ZNF324: variants seen among roughly 807,000 people sequenced by gnomAD.
ZNF324 encodes zinc finger protein 324, also known as zinc finger protein 324A.
ZNF324 carries 3 observed loss-of-function variants against 10.3 expected under a neutral mutation model. The ratio of observed to expected loss-of-function variants is 0.29; its 90% CI spans 0.13 to 0.75. ZNF324 has a LOEUF of 0.75. Among genes scored for constraint, ZNF324 ranks in the 30% least tolerant of loss-of-function variants. The probability of loss-of-function intolerance (pLI) is 0.69; values close to 1 mark genes in which losing one functional copy is unlikely to be tolerated. For synonymous variants in ZNF324, 430 were observed against 339.5 expected (o/e 1.27, Z -2.93); for missense variants, 763 against 784.4 (o/e 0.97, Z 0.33).
chr19:58,469,168 CT>C lies in ZNF324; in HGVS notation c.-6-11del. ...TTAGACCATGGCTGTCTCTTCCTCC[CT>C]GCTCTTTTAGGACCAGATGGCCTTT... On this transcript the variant is annotated splice_polypyrimidine_tract_variant and intron_variant, in intron 1 of 3. Coordinates refer to ENST00000196482, the MANE Select transcript of ZNF324 (RefSeq NM_014347.3). 1 of 1,614,172 alleles carries C rather than the reference CT, an allele frequency of 6.2e-7. No homozygotes were observed. The highest frequency in any genetic ancestry group is 8.5e-7 in the Non-Finnish European group (1 of 1,180,022).
At chr19:58,467,371 G>C (rs1458249114) in intron 1 of ZNF324, 188 bp downstream of exon 1, 1 of 152,270 alleles carries the variant, frequency 6.6e-6, no homozygotes, top group African/African-American at 2.4e-5. Context: ...CGCGCTGGGC[G>C]TTCCACGTCC....
rs886204171 is a variant in ZNF324, at chr19:58,472,143, G to A, written c.1651G>A (p.Ala551Thr). 1.3e-6 allele frequency: 2 copies of A among 1,579,584 alleles called. No homozygotes were observed. Among genetic ancestry groups the A allele is most frequent in the Admixed American group, 3.4e-5 (2 of 58,836 alleles). Residue 551 changes from alanine to threonine, a missense_variant, in exon 4 of 4, where the codon GCG (alanine) becomes ACG (threonine). This residue lies in a region of ZNF324 where 231 missense variants were observed against 196.0 expected (regional missense o/e 1.18). Transcript: ENST00000196482. Reference sequence around the variant, plus strand: ...GGGCCCAGCCGCCGTCTCGCAGCCAGCGGAGGTCTGAGGTCACAGGTTGCA... The same window carrying A: ...GGGCCCAGCCGCCGTCTCGCAGCCAACGGAGGTCTGAGGTCACAGGTTGCA... ...ASGPAAVSQP[A>T]EV
intron 1 of ZNF324, 115 bp from the exon 2 acceptor site, chr19:58,469,065 A>T: frequency 8.1e-7 from 1 of 1,230,058 alleles, no homozygotes; most frequent in Non-Finnish European, 1.2e-6. Context: ...TATTAGTGTT[A>T]ATGTATTTTA....
intron 2 of ZNF324, 109 bp downstream of exon 2, chr19:58,469,415 A>G (rs967261562): frequency 2.8e-6 from 4 of 1,445,714 alleles, no homozygotes; most frequent in Non-Finnish European, 2.8e-6. Context: ...CCTTGCAGCC[A>G]GGAGCCATGT....
chr19:58,469,461 G>A (rs1236126749), intron 2 of ZNF324, among the ~76,000 whole-genome samples, 155 bp downstream of exon 2: 1 of 152,226 alleles, frequency 6.6e-6, no homozygotes, highest in Non-Finnish European at 1.5e-5. Flanking sequence ...ATGCAGTCTG[G>A]TTGGCTCAAC....
rs1177698952 is a variant in ZNF324, at chr19:58,474,360, A to G, written c.*2206A>G. The G allele has an allele frequency of 1.3e-4, 20 of 152,144 alleles. No homozygotes were observed. The highest frequency in any genetic ancestry group is 9.8e-4 in the Admixed American group (15 of 15,280). The allele number at this position is 152,144 out of a possible 1,614,324, so 9.4% of individuals were successfully genotyped here. On this transcript the variant is annotated 3_prime_UTR_variant, in exon 4 of 4. Transcript: ENST00000196482. ...CAGAGAGTCACGTGAAATCATTTCT[A>G]TGCCTCTGACAGACGCTTCTTGAGC...
intron 1 of ZNF324, 81 bp from the exon 2 acceptor site, chr19:58,469,099 T>C (rs1286251258): frequency 6.3e-7 from 1 of 1,575,932 alleles, no homozygotes; most frequent in Non-Finnish European, 8.7e-7. Context: ...ACAATTCTTC[T>C]TCCAATGTGG....
At position 58,472,225 on chromosome 19, in the gene ZNF324, C is replaced by A. The variant is rs752833311; in HGVS notation, c.*71C>A. The A allele has an allele frequency of 9.7e-5, 138 of 1,418,322 alleles. No homozygotes were observed. The highest frequency in any genetic ancestry group is 1.3e-4 in the Non-Finnish European group (136 of 1,068,586). The allele number at this position is 1,418,322 out of a possible 1,614,324, so 87.9% of individuals were successfully genotyped here. On this transcript the variant is annotated 3_prime_UTR_variant, in exon 4 of 4. Transcript: ENST00000196482. Reference sequence around the variant, plus strand: ...TAAAGGGCATATGTCCTCTGCAGATCCACAGCAGAGAAAAAGTCCCGTGCT... The same window carrying A: ...TAAAGGGCATATGTCCTCTGCAGATACACAGCAGAGAAAAAGTCCCGTGCT...
Position 58,470,998 on chromosome 19 carries a change from C to G in ZNF324, c.506C>G (p.Pro169Arg), listed in dbSNP as rs545558366. The change falls in exon 4 of 4, where the codon CCC becomes CGC. Residue 169 changes from proline (P) to arginine (R), a missense_variant. Around this residue, in one of 3 missense-constraint regions of ZNF324, gnomAD observed 379 missense variants for 319.4 expected, o/e 1.19. Transcript: ENST00000196482. ...CGACTGACCTCCCCGCTTAGGCCTC[C>G]CGAGGGCGTCCGGCTTAGAGAAAAG... ...SLRLTSPLRP[P>R]EGVRLREKTL... The G allele has an allele frequency of 1.2e-6, 2 of 1,614,178 alleles. No individual in the cohort carries two copies. Among genetic ancestry groups the G allele is most frequent in the South Asian group, 2.2e-5 (2 of 91,086 alleles).
chr19:58,467,246 C>G lies in ZNF324; in HGVS notation c.-7+63C>G, dbSNP rs940972174. 8.1e-3 allele frequency: 1,237 copies of G among 152,142 alleles called. 6 individuals are homozygous for G. Among genetic ancestry groups the G allele is most frequent in the Non-Finnish European group, 0.013 (859 of 67,958 alleles). 9.4% of individuals were successfully genotyped at this position (152,142 alleles called of 1,614,324 possible). A position where few individuals can be genotyped will look rare whatever the true frequency, so the allele number is the denominator to read the frequency against. On this transcript the variant is annotated intron_variant, in intron 1 of 3. Coordinates refer to ENST00000196482, the MANE Select transcript of ZNF324 (RefSeq NM_014347.3). ...ACGCGTCGTGATCAAGGGCGCCGGC[C>G]GCCGGCCGCGCCCCCAAGCCTCTGT...
At position 58,470,811 on chromosome 19, in the gene ZNF324, A is replaced by G. The variant is rs770777580; in HGVS notation, c.319A>G (p.Thr107Ala). Residue 107 changes from threonine (T) to alanine (A), a missense_variant, in exon 4 of 4, where the codon ACT becomes GCT. Physicochemically the swap from Thr to Ala is moderately conservative, Grantham distance 58 (BLOSUM62 0). Around this residue, in one of 3 missense-constraint regions of ZNF324, gnomAD observed 379 missense variants for 319.4 expected, o/e 1.19. Transcript: ENST00000196482. ...CCCAGATACCCCACCTGGGATGACT[A>G]CTAGCGTCTTCCCTGTTGCCGGTGC... is the stretch of plus-strand genomic sequence containing the variant. The part of the protein sequence containing the change: ...AFPDTPPGMT[T>A]SVFPVAGACH... 3 of 1,614,066 alleles carry G rather than the reference A, an allele frequency of 1.9e-6. No homozygotes were observed. In the African/African-American group the frequency reaches 4.0e-5, roughly 22 times the overall value.
chr19:58,472,678 C>T lies in ZNF324; in HGVS notation c.*524C>T, dbSNP rs569256321. ...ACCACAAGGGACTGGGGATCAGGGT[C>T]TGGGCTCTGTCAGCCGCCACCTCTG... On this transcript the variant is annotated 3_prime_UTR_variant, in exon 4 of 4. Transcript: ENST00000196482. 1 of 154,584 alleles carries T rather than the reference C, an allele frequency of 6.5e-6. No homozygotes were observed. Among genetic ancestry groups the T allele is most frequent in the South Asian group, 2.0e-4 (1 of 4,884 alleles). 9.6% of individuals were successfully genotyped at this position (154,584 alleles called of 1,614,324 possible).
In ZNF324 at chr19:58,474,659, G is replaced by T. The variant is rs534554611; in HGVS notation, c.*2505G>T. ...CTGCTCTTAATTTTGAATAGGTAGT[G>T]ACTGTAAAAGTATCCCTGGGCTTCT... On this transcript the variant is annotated 3_prime_UTR_variant, in exon 4 of 4. Coordinates refer to ENST00000196482, the MANE Select transcript of ZNF324 (RefSeq NM_014347.3). 1 of 152,214 alleles carries T rather than the reference G, an allele frequency of 6.6e-6. No individual in the cohort carries two copies. Among genetic ancestry groups the T allele is most frequent in the South Asian group, 2.1e-4 (1 of 4,822 alleles). The allele number at this position is 152,214 out of a possible 1,614,324, so 9.4% of individuals were successfully genotyped here. A position where few individuals can be genotyped will look rare whatever the true frequency, so the allele number is the denominator to read the frequency against.
At position 58,471,610 on chromosome 19, in the gene ZNF324, A is replaced by G. The variant is rs1009424791; in HGVS notation, c.1118A>G (p.Gln373Arg). The G allele has an allele frequency of 2.5e-6, 4 of 1,606,586 alleles. No individual in the cohort carries two copies. Among genetic ancestry groups the G allele is most frequent in the African/African-American group, 1.3e-5 (1 of 74,922 alleles). ...GGTGGGCGTCCTTATGCTTGCGCAC[A>G]GTGTGGCCGCCGCTTCTGCCGCAAC... Reference protein sequence around the residue: ...HAGGRPYACAQCGRRFCRNSH... With the variant: ...HAGGRPYACARCGRRFCRNSH... Residue 373 changes from glutamine (Q) to arginine (R), a missense_variant, in exon 4 of 4, where the codon CAG becomes CGG. Coordinates refer to ENST00000196482, the MANE Select transcript of ZNF324 (RefSeq NM_014347.3).
intron 2 of ZNF324, 139 bp downstream of exon 2, chr19:58,469,445 A>G: frequency 1.6e-6 from 2 of 1,213,854 alleles, no homozygotes; most frequent in Non-Finnish European, 2.3e-6. Flanking sequence ...GTCTGGTCCT[A>G]TAGACATGCA....
At position 58,472,194 on chromosome 19, in the gene ZNF324, C is replaced by T. The variant is rs1185895427; in HGVS notation, c.*40C>T. 13 of 1,521,934 alleles carry T rather than the reference C, an allele frequency of 8.5e-6. No homozygotes were observed. The highest frequency in any genetic ancestry group is 8.2e-5 in the African/African-American group (6 of 72,982). The allele number at this position is 1,521,934 out of a possible 1,614,324, so 94.3% of individuals were successfully genotyped here. On this transcript the variant is annotated 3_prime_UTR_variant, in exon 4 of 4. Transcript: ENST00000196482. ...GCCCTGGCCTTCTGTGAATCCCTTCCACAGCTAAAGGGCATATGTCCTCTG... is the reference window on the plus strand; with the variant it reads ...GCCCTGGCCTTCTGTGAATCCCTTCTACAGCTAAAGGGCATATGTCCTCTG...
At position 58,471,290 on chromosome 19, in the gene ZNF324, C is replaced by T. The variant is rs759976198; in HGVS notation, c.798C>T (p.Phe266=). ...SFECRACSKV[F]VKSSDLLKHL... ...AATGCAGGGCGTGCAGCAAAGTGTT[C>T]GTGAAGAGCTCCGACCTCCTCAAGC... The change falls in exon 4 of 4, where the codon TTC becomes TTT. Residue 266 remains phenylalanine, a synonymous_variant. Transcript: ENST00000196482. 1.9e-6 allele frequency: 3 copies of T among 1,613,762 alleles called. No homozygotes were observed. The highest frequency in any genetic ancestry group is 2.5e-6 in the Non-Finnish European group (3 of 1,179,982).
chr19:58,471,072 C>G lies in ZNF324; in HGVS notation c.580C>G (p.Arg194Gly), dbSNP rs566407024. ...GGGGAGGCAGCCCAGGACGCCTGAG[C>G]GGCAGAAACCATGTGCACAGGAGGT... ...LLGRQPRTPE[R>G]QKPCAQEVPG... The change falls in exon 4 of 4, where the codon CGG becomes GGG. Residue 194 changes from arginine to glycine, a missense_variant. By Grantham distance (125) the Arg-to-Gly change is moderately radical. Coordinates refer to ENST00000196482, the MANE Select transcript of ZNF324 (RefSeq NM_014347.3). The G allele has an allele frequency of 6.2e-7, 1 of 1,613,848 alleles. No homozygotes were observed. Among genetic ancestry groups the G allele is most frequent in the Non-Finnish European group, 8.5e-7 (1 of 1,180,022 alleles).
rs779763030 is a variant in ZNF324, at chr19:58,472,072, C to T, written c.1580C>T (p.Ser527Leu). Residue 527 changes from serine to leucine, a missense_variant, in exon 4 of 4, where the codon TCA becomes TTA. Around this residue, in one of 3 missense-constraint regions of ZNF324, gnomAD observed 231 missense variants for 196.0 expected, o/e 1.18. Coordinates refer to ENST00000196482, the MANE Select transcript of ZNF324 (RefSeq NM_014347.3). ...HPQARSVAGA[S>L]SEGAPAKETE... ...CAGGCCAGGTCTGTTGCCGGGGCAT[C>T]ATCAGAAGGTGCGCCAGCGAAGGAA... 6.2e-7 allele frequency: 1 copy of T among 1,603,290 alleles called. No individual in the cohort carries two copies. Among genetic ancestry groups the T allele is most frequent in the Non-Finnish European group, 8.5e-7 (1 of 1,177,188 alleles).
Sources: allele counts gnomAD v4.1 joint callset (sites outside exome capture counted in the v4.1 genomes callset), GRCh38; gene constraint gnomAD v4.1.1; regional missense constraint gnomAD v4.1.1; transcripts MANE v1.5; gene names NCBI Gene and HGNC (gene_info 2026-07-23, HGNC 2026-07-21).